Variants in RNF24 observed in about 807,000 individuals in gnomAD.
The protein encoded by RNF24 is ring finger protein 24.
RNF24 carries 14 observed loss-of-function variants against 20.0 expected under a neutral mutation model. The ratio of observed to expected loss-of-function variants is 0.70; its 90% CI spans 0.46 to 1.10. The LOEUF (loss-of-function observed/expected upper bound fraction) is 1.10. Ranked by LOEUF, RNF24 falls within the 50% of genes least tolerant of loss-of-function variation. The probability of loss-of-function intolerance (pLI) is 0.00; values close to 1 mark genes in which losing one functional copy is unlikely to be tolerated. For missense variants in RNF24, 124 were observed against 177.6 expected, an observed-to-expected ratio of 0.70 and a Z score of 1.71; for synonymous variants, 45 against 61.1, an observed-to-expected ratio of 0.74 and a Z score of 1.23.
At chr20:3,979,119 AAT>A (rs1027753604) in intron 1 of RNF24, among the ~76,000 whole-genome samples, 1 of 149,838 alleles carries the variant, frequency 6.7e-6, no homozygotes. Flanking sequence ...CAAAACAAAT[AAT>A]ATATATATAT....
chr20:3,939,403 C>A (rs1307531605), intron 4 of RNF24, among the ~76,000 whole-genome samples: 1 of 152,130 alleles, frequency 6.6e-6, no homozygotes, highest in Non-Finnish European at 1.5e-5. Context: ...TAAATTTATT[C>A]TTTTGCATGT....
chr20:3,974,254 G>A (rs1221301558), intron 1 of RNF24: 112 of 1,454,992 alleles, frequency 7.7e-5, no homozygotes, highest in Non-Finnish European at 9.6e-5. Context: ...AAAACAAACC[G>A]GCAAAAACCA....
At chr20:3,941,128 G>A (rs948529854) in intron 4 of RNF24, among the ~76,000 whole-genome samples, 8 of 152,080 alleles carry the variant, frequency 5.3e-5, no homozygotes, top group African/African-American at 1.9e-4. Flanking sequence ...TCCCAGGCTT[G>A]GGTGATCTTT....
At chr20:3,982,643 T>C (rs1418351418) in intron 1 of RNF24, among the ~76,000 whole-genome samples, 1 of 151,322 alleles carries the variant, frequency 6.6e-6, no homozygotes, top group Non-Finnish European at 1.5e-5. Context: ...TCCCAGCACT[T>C]TGGGAGGCCA....
intron 3 of RNF24, 86 bp downstream of exon 3, chr20:3,948,151 C>T (rs1401322974): frequency 1.1e-5 from 10 of 918,864 alleles, no homozygotes; most frequent in Non-Finnish European, 1.5e-5. Context: ...AATTCAGTCC[C>T]AGTTTAACGT....
rs1385871239 is a variant in RNF24, at chr20:3,974,141, T to TA, written c.-7-10118_-7-10117insT. Among the ~76,000 whole-genome samples, 90 of 148,202 alleles carry TA rather than the reference T, an allele frequency of 6.1e-4. 1 individual carries two copies. The highest frequency in any genetic ancestry group is 1.8e-3 in the East Asian group (9 of 5,114). On this transcript the variant is annotated intron_variant, in intron 1 of 5. Transcript: ENST00000358395. ...AAATCACATGATCATATTAACTGAT[T>TA]TAAAAAAAACACATTTCACAAACAT...
intron 1 of RNF24, among the ~76,000 whole-genome samples, chr20:4,014,562 C>G (rs778588307): frequency 4.6e-5 from 7 of 152,232 alleles, no homozygotes; most frequent in Non-Finnish European, 8.8e-5. Context: ...AATTTAGATG[C>G]ACATTTCCAA....
chr20:3,980,868 A>G (rs1258489584), intron 1 of RNF24, among the ~76,000 whole-genome samples: 1 of 151,866 alleles, frequency 6.6e-6, no homozygotes, highest in African/African-American at 2.4e-5. Context: ...GTCAGATCTA[A>G]TAACCCTGGG....
At chr20:3,961,510 G>GT (rs1254070634) in intron 2 of RNF24, among the ~76,000 whole-genome samples, 1 of 152,006 alleles carries the variant, frequency 6.6e-6, no homozygotes, top group East Asian at 1.9e-4. Context: ...GTAAAAGGGT[G>GT]TTTCATAACT....
intron 1 of RNF24, among the ~76,000 whole-genome samples, chr20:4,014,775 AC>A (rs1387264737): frequency 6.8e-6 from 1 of 146,728 alleles, no homozygotes; most frequent in East Asian, 1.9e-4. Flanking sequence ...ACACACACAC[AC>A]ATCATTAGGT....
chr20:3,955,802 T>C (rs1305486928), intron 2 of RNF24, among the ~76,000 whole-genome samples: 1 of 152,232 alleles, frequency 6.6e-6, no homozygotes, highest in African/African-American at 2.4e-5. Context: ...CTTTAATTTC[T>C]TTCAGCAATG....
chr20:3,986,291 C>T lies in RNF24; in HGVS notation c.-7-22267G>A, dbSNP rs370186543. The stretch of plus-strand genomic sequence containing the variant: ...CTTCCTCCCTCCCTCCTCACTCTGT[C>T]GCTTGGATTGGGTGCAGTAGTGCAA... On this transcript the variant is annotated intron_variant, in intron 1 of 5. Coordinates refer to ENST00000358395, the MANE Select transcript of RNF24 (RefSeq NM_001134337.3). Among the ~76,000 whole-genome samples the T allele has an allele frequency of 1.8e-4, 28 of 152,090 alleles. No homozygotes were observed. The East Asian group carries it at 4.3e-3, about 23-fold the overall frequency.
At chr20:3,945,260 G>A in intron 3 of RNF24, 42 bp from the exon 4 acceptor site, 1 of 1,521,868 alleles carries the variant, frequency 6.6e-7, no homozygotes, top group East Asian at 2.3e-5. Flanking sequence ...ATTTAAATCT[G>A]TAACTTTAAA....
At position 3,963,930 on chromosome 20, in the gene RNF24, CA is replaced by C. The variant is rs1202149333; in HGVS notation, c.87del (p.Phe29LeufsTer18). On this transcript the variant is annotated frameshift_variant, in exon 2 of 6. Coordinates refer to ENST00000358395, the MANE Select transcript of RNF24 (RefSeq NM_001134337.3). LOFTEE classifies it high-confidence loss of function. ...AGGATGAAGACAAATATAGCAGTACCAAAAACCACAATATATATGTTGAGAG... is the reference window on the plus strand; with the variant it reads ...AGGATGAAGACAAATATAGCAGTACCAAAACCACAATATATATGTTGAGAG... ...NLPLNIYIVV[F>X]GTAIFVFILS... 6.2e-7 allele frequency: 1 copy of C among 1,610,278 alleles called. No homozygotes were observed. Among genetic ancestry groups the C allele is most frequent in the Non-Finnish European group, 8.5e-7 (1 of 1,177,952 alleles).
In RNF24 at chr20:3,929,304, C is replaced by T. The variant is rs1394733716; in HGVS notation, c.*4759G>A. On this transcript the variant is annotated 3_prime_UTR_variant, in exon 6 of 6. Coordinates refer to ENST00000358395, the MANE Select transcript of RNF24 (RefSeq NM_001134337.3). ...CTGTAGACGCAGCTACAGACTGAGG[C>T]GGGAGGATCACTTGAGTCCAGGAAG... 2 of 152,158 alleles carry T rather than the reference C, an allele frequency of 1.3e-5. No individual in the cohort carries two copies. The highest frequency in any genetic ancestry group is 2.9e-5 in the Non-Finnish European group (2 of 68,112). 9.4% of individuals were successfully genotyped at this position (152,158 alleles called of 1,614,324 possible).
chr20:3,959,276 A>G (rs2091176143), intron 2 of RNF24, among the ~76,000 whole-genome samples: 1 of 152,182 alleles, frequency 6.6e-6, no homozygotes, highest in African/African-American at 2.4e-5. Context: ...CCAGCTGCCT[A>G]AGCCAGAAGT....
rs1296831477 is a variant in RNF24, at chr20:3,932,277, G to A, written c.*1786C>T. The A allele has an allele frequency of 6.6e-6, 1 of 152,148 alleles. No individual in the cohort carries two copies. The highest frequency in any genetic ancestry group is 1.5e-5 in the Non-Finnish European group (1 of 68,034). 9.4% of individuals were successfully genotyped at this position (152,148 alleles called of 1,614,324 possible). A position where few individuals can be genotyped will look rare whatever the true frequency, so the allele number is the denominator to read the frequency against. On this transcript the variant is annotated 3_prime_UTR_variant, in exon 6 of 6. Transcript: ENST00000358395. ...CTACAAATAGAGAATGCAAAAAGAC[G>A]GTGAAAGTAGGAGTGCATAAATAGT...
At chr20:4,006,220 T>G (rs1981857806) in intron 1 of RNF24, among the ~76,000 whole-genome samples, 1 of 151,910 alleles carries the variant, frequency 6.6e-6, no homozygotes, top group Admixed American at 6.6e-5. Flanking sequence ...AATACAAAAA[T>G]TAGCTGAGTG....
chr20:3,944,687 T>C (rs576378363), intron 4 of RNF24, among the ~76,000 whole-genome samples: 2 of 152,252 alleles, frequency 1.3e-5, no homozygotes, highest in South Asian at 4.1e-4. Flanking sequence ...AAAGCACCTA[T>C]GTCCCAACCA....
Sources: gnomAD v4.1 joint callset for allele counts (sites outside exome capture counted in the v4.1 genomes callset) on GRCh38, gnomAD v4.1.1 for gene constraint, MANE v1.5 for transcripts, NCBI Gene and HGNC (gene_info 2026-07-23, HGNC 2026-07-21) for gene names.